Variants in ATP11B observed in about 807,000 individuals in gnomAD.
The protein encoded by ATP11B is ATPase phospholipid transporting 11B (putative).
Under a neutral mutation model 157.8 loss-of-function variants are expected in ATP11B, and 81 were observed. The observed-to-expected ratio is 0.51, with a 90% confidence interval of 0.43 to 0.62. The LOEUF is 0.62. ATP11B is among the 20% of genes least tolerant of loss of function. The probability of loss-of-function intolerance (pLI) is 0.00; values close to 1 mark genes in which losing one functional copy is unlikely to be tolerated. For missense variants in ATP11B, 1,165 were observed against 1,402.2 expected (o/e 0.83, Z 2.70); for synonymous variants, 451 against 469.4 (o/e 0.96, Z 0.51).
chr3:182,874,464 C>G (rs1721887241), intron 19 of ATP11B, among the ~76,000 whole-genome samples: 1 of 151,960 alleles, frequency 6.6e-6, no homozygotes, highest in African/African-American at 2.4e-5. Flanking sequence ...ATATGGCCAT[C>G]ATGTCAAAAC....
rs765326137 is a variant in ATP11B, at chr3:182,836,404, C to G, written c.486C>G (p.Ser162=). Residue 162 remains serine, a synonymous_variant, in exon 6 of 30, where the codon TCC becomes TCG. Transcript: ENST00000323116. ...EIFPADLVLL[S]SDRLDGSCHV... is the part of the protein sequence containing the mutation. ...TTCCTGCAGACTTGGTGCTTCTGTC[C>G]TCAGATCGACTGGATGGTTCCTGTC... 1 of 1,613,734 alleles carries G rather than the reference C, an allele frequency of 6.2e-7. No individual in the cohort carries two copies. The highest frequency in any genetic ancestry group is 8.5e-7 in the Non-Finnish European group (1 of 1,179,848).
chr3:182,813,238 T>C (rs958456028), intron 1 of ATP11B, among the ~76,000 whole-genome samples: 1 of 152,216 alleles, frequency 6.6e-6, no homozygotes, highest in Non-Finnish European at 1.5e-5. Context: ...TACCCAGAAG[T>C]AGAATTGCTG....
intron 10 of ATP11B, among the ~76,000 whole-genome samples, chr3:182,849,315 G>T (rs1185735657): frequency 6.6e-6 from 1 of 152,116 alleles, no homozygotes; most frequent in African/African-American, 2.4e-5. Context: ...AATAAAAATA[G>T]CACTCTTCTG....
At chr3:182,834,113 T>C (rs1718361062) in intron 4 of ATP11B, among the ~76,000 whole-genome samples, 1 of 152,206 alleles carries the variant, frequency 6.6e-6, no homozygotes, top group Admixed American at 6.5e-5. Flanking sequence ...TGAATTATCG[T>C]TGCTCTGCTA....
chr3:182,812,358 G>C (rs1716722385), intron 1 of ATP11B, among the ~76,000 whole-genome samples: 1 of 152,108 alleles, frequency 6.6e-6, no homozygotes, highest in African/African-American at 2.4e-5. Context: ...GAGTGGAAAT[G>C]TATTTTTACC....
chr3:182,852,687 G>A (rs1040705073), intron 10 of ATP11B, among the ~76,000 whole-genome samples: 11 of 152,116 alleles, frequency 7.2e-5, no homozygotes, highest in East Asian at 3.8e-4. Context: ...ACCCTTACCC[G>A]TCTCCCGCAT....
intron 12 of ATP11B, among the ~76,000 whole-genome samples, chr3:182,863,764 T>A (rs891098887): frequency 3.3e-5 from 5 of 152,008 alleles, no homozygotes; most frequent in Non-Finnish European, 1.5e-5. Flanking sequence ...CCCTACCATC[T>A]AATCTTTTTT....
chr3:182,838,251 A>G (rs1393386402), intron 7 of ATP11B, among the ~76,000 whole-genome samples: 1 of 152,040 alleles, frequency 6.6e-6, no homozygotes, highest in Non-Finnish European at 1.5e-5. Context: ...GACTGACTGT[A>G]AGACATTTAA....
chr3:182,827,533 ACTATCTT>A (rs1717806123), intron 2 of ATP11B, among the ~76,000 whole-genome samples: 1 of 151,878 alleles, frequency 6.6e-6, no homozygotes, highest in Non-Finnish European at 1.5e-5. Flanking sequence ...ATTGTGCTAT[ACTATCTT>A]ACCTTTTAAA....
intron 12 of ATP11B, among the ~76,000 whole-genome samples, chr3:182,864,250 T>C (rs958927109): frequency 6.6e-6 from 1 of 152,162 alleles, no homozygotes; most frequent in East Asian, 1.9e-4. Context: ...TTAACTTTTA[T>C]TTCCCTTTTC....
chr3:182,899,845 C>T (rs778290023), intron 28 of ATP11B, among the ~76,000 whole-genome samples: 45 of 152,052 alleles, frequency 3.0e-4, no homozygotes, highest in Non-Finnish European at 4.9e-4. Flanking sequence ...TTGACTAGTA[C>T]GTGAGCTAGA....
chr3:182,894,750 A>G (rs1723415460), intron 25 of ATP11B, among the ~76,000 whole-genome samples: 2 of 152,088 alleles, frequency 1.3e-5, no homozygotes, highest in Non-Finnish European at 2.9e-5. Flanking sequence ...ACCCCAGTCT[A>G]GGCCCAGTAA....
chr3:182,808,863 C>T lies in ATP11B; in HGVS notation c.28-11397C>T, dbSNP rs931929235. ...TTACATTACTGTGCAGCGTTTGTTACACCAATATTGATGTGTTGTTATTTA... is the reference window on the plus strand; with the variant it reads ...TTACATTACTGTGCAGCGTTTGTTATACCAATATTGATGTGTTGTTATTTA... On this transcript the variant is annotated intron_variant, in intron 1 of 29. Transcript: ENST00000323116. Among the ~76,000 whole-genome samples the T allele has an allele frequency of 2.6e-5, 4 of 152,276 alleles. 1 individual carries two copies. The highest frequency in any genetic ancestry group is 1.3e-4 in the Admixed American group (2 of 15,292).
chr3:182,793,518 C>A lies in ATP11B; in HGVS notation c.-242C>A. The A allele has an allele frequency of 2.9e-6, 1 of 346,920 alleles. No individual in the cohort carries two copies. The allele number at this position is 346,920 out of a possible 1,614,324, so 21.5% of individuals were successfully genotyped here. The stretch of plus-strand genomic sequence containing the variant: ...TGACAACGGTCAATAATGAAGGTGG[C>A]TGCGGCGCGGCGGCAGGCTCAGCTG... On this transcript the variant is annotated 5_prime_UTR_variant, in exon 1 of 30. The change creates a new upstream start codon in the 5' untranslated region. Transcript: ENST00000323116.
rs190131438 is a variant in ATP11B, at chr3:182,793,802, C to T, written c.27+16C>T. 4.1e-3 allele frequency: 5,641 copies of T among 1,364,632 alleles called. 188 individuals are homozygous for T. In the African/African-American group the frequency reaches 0.07, roughly 17 times the overall value. The allele number at this position is 1,364,632 out of a possible 1,614,324, so 84.5% of individuals were successfully genotyped here. A position where few individuals can be genotyped will look rare whatever the true frequency, so the allele number is the denominator to read the frequency against. ...GCAGCAGCTGGTAGGTGCCCCCGCC[C>T]CTCCACCTCCATTCGTCCGCCCCCG... On this transcript the variant is annotated intron_variant, in intron 1 of 29. Transcript: ENST00000323116.
At chr3:182,850,751 A>C (rs1328702985) in intron 10 of ATP11B, among the ~76,000 whole-genome samples, 3 of 152,202 alleles carry the variant, frequency 2.0e-5, no homozygotes, top group Admixed American at 6.5e-5. Context: ...CCAAAGAAAA[A>C]GAAATCAGTA....
At chr3:182,836,257 A>T in intron 5 of ATP11B, 85 bp from the exon 6 acceptor site, 1 of 1,580,110 alleles carries the variant, frequency 6.3e-7, no homozygotes, top group East Asian at 2.2e-5. Flanking sequence ...AAATACTGTG[A>T]TAGGCTGCTT....
chr3:182,801,568 T>G lies in ATP11B; in HGVS notation c.27+7782T>G, dbSNP rs1309703975. 3.3e-5 allele frequency among the ~76,000 whole-genome samples: 5 copies of G among 152,332 alleles called. No homozygotes were observed. In the South Asian group the frequency reaches 8.3e-4, roughly 25 times the overall value. On this transcript the variant is annotated intron_variant, in intron 1 of 29. Transcript: ENST00000323116. ...GTATAATTTATCCTTTACCCAACTT[T>G]TACAGTTATCGGCACATGACCAATC...
At chr3:182,916,641 A>G in intron 29 of ATP11B, 2 of 983,878 alleles carry the variant, frequency 2.0e-6, no homozygotes. Flanking sequence ...TTCTAAATAG[A>G]AAGTAATATG....
Sources: allele counts gnomAD v4.1 joint callset (sites outside exome capture counted in the v4.1 genomes callset), GRCh38; gene constraint gnomAD v4.1.1; transcripts MANE v1.5; gene names NCBI Gene and HGNC (gene_info 2026-07-23, HGNC 2026-07-21).